Variants in GARNL3 observed in about 807,000 individuals in gnomAD.
The protein encoded by GARNL3 is GTPase activating Rap/RanGAP domain like 3.
GARNL3 carries 63 observed loss-of-function variants against 125.0 expected under a neutral mutation model. The ratio of observed to expected loss-of-function variants is 0.50; its 90% CI spans 0.41 to 0.62. The LOEUF is 0.62. Among genes scored for constraint, GARNL3 ranks in the 20% least tolerant of loss-of-function variants. The pLI, the probability that GARNL3 is intolerant of heterozygous loss-of-function variation, is 0.00. For synonymous variants in GARNL3, 439 were observed against 457.5 expected, an observed-to-expected ratio of 0.96 and a Z score of 0.52; for missense variants, 994 against 1,244.0, an observed-to-expected ratio of 0.80 and a Z score of 3.02.
chr9:127,310,924 T>A (rs922826331), intron 2 of GARNL3, among the ~76,000 whole-genome samples: 1 of 152,164 alleles, frequency 6.6e-6, no homozygotes. Flanking sequence ...GTGTTGCAGA[T>A]CCTCGACAAC....
Position 127,347,283 on chromosome 9 carries a change from A to G in GARNL3, c.1432-1641A>G, listed in dbSNP as rs546178264. On this transcript the variant is annotated intron_variant, in intron 16 of 27. Transcript: ENST00000373387. ...AAAAAATTAAAAAAATTAGCCGGGC[A>G]TGGTGGCTCATGCCTATGGTCCCAA... Among the ~76,000 whole-genome samples, 7 of 152,160 alleles carry G rather than the reference A, an allele frequency of 4.6e-5. No homozygotes were observed. In the East Asian group the frequency reaches 7.7e-4, roughly 17 times the overall value.
chr9:127,386,602 A>C (rs1471638123), intron 24 of GARNL3, among the ~76,000 whole-genome samples: 1 of 152,266 alleles, frequency 6.6e-6, no homozygotes, highest in African/African-American at 2.4e-5. Flanking sequence ...ATAATTAGGA[A>C]TGGCTGGATT....
chr9:127,375,325 G>T (rs1588960043), intron 22 of GARNL3, among the ~76,000 whole-genome samples: 2 of 152,150 alleles, frequency 1.3e-5, no homozygotes, highest in East Asian at 1.9e-4. Flanking sequence ...AATTAGCCAG[G>T]CGCGGTGGCA....
chr9:127,327,831 A>T (rs1020197907), intron 7 of GARNL3, among the ~76,000 whole-genome samples: 1 of 152,228 alleles, frequency 6.6e-6, no homozygotes, highest in African/African-American at 2.4e-5. Context: ...AAAGAAATAC[A>T]CAAAAGATAA....
rs530593092 is a variant in GARNL3 at position 127,239,411 on chromosome 9, G to A, written c.-28-3668G>A. Among the ~76,000 whole-genome samples, 7 of 152,252 alleles carry A rather than the reference G, an allele frequency of 4.6e-5. No individual in the cohort carries two copies. In the South Asian group the frequency reaches 6.2e-4, roughly 14 times the overall value. ...AAGCCTGGCCAGGCCTTCAGGACAC[G>A]CCAGGTCATTTCCCTCACATTACGG... On this transcript the variant is annotated intron_variant, in intron 1 of 10. Coordinates refer to the GARNL3 transcript ENST00000439286.
chr9:127,272,048 C>T (rs982724295), intron 1 of GARNL3, among the ~76,000 whole-genome samples: 3 of 150,282 alleles, frequency 2.0e-5, no homozygotes, highest in South Asian at 2.1e-4. Context: ...ATCAAAAGAA[C>T]GGTTGATGAT....
intron 2 of GARNL3, among the ~76,000 whole-genome samples, chr9:127,298,266 C>CTT (rs2064668668): frequency 6.6e-6 from 1 of 152,134 alleles, no homozygotes; most frequent in African/African-American, 2.4e-5. Context: ...GCAACCTCTG[C>CTT]CTTCTGGGTT....
rs770179412 is a variant in GARNL3 at position 127,342,278 on chromosome 9, A to G, written c.1195A>G (p.Thr399Ala). The G allele has an allele frequency of 6.8e-6, 11 of 1,614,076 alleles. No individual in the cohort carries two copies. The highest frequency in any genetic ancestry group is 9.3e-6 in the Non-Finnish European group (11 of 1,179,946). Residue 399 changes from threonine (T) to alanine (A), a missense_variant, in exon 14 of 28, where the codon ACC becomes GCC. Around this residue, in one of 5 missense-constraint regions of GARNL3, gnomAD observed 728 missense variants for 865.7 expected, o/e 0.84. Coordinates refer to ENST00000373387, the MANE Select transcript of GARNL3 (RefSeq NM_032293.5). ...AACATTTGCCCAGAAACGTCGGCGT[A>G]CCCTGGATATGTTGATTAGATCTTT... is the stretch of plus-strand genomic sequence containing the variant. ...TPTFAQKRRR[T>A]LDMLIRSLHQ...
intron 2 of GARNL3, among the ~76,000 whole-genome samples, chr9:127,296,151 T>C (rs1426542486): frequency 6.6e-6 from 1 of 152,126 alleles, no homozygotes; most frequent in Non-Finnish European, 1.5e-5. Context: ...GCTCAGGTGG[T>C]AATATAAGTG....
intron 1 of GARNL3, among the ~76,000 whole-genome samples, chr9:127,231,221 A>ATTTTTTT (rs754935724): frequency 1.5e-5 from 1 of 66,078 alleles, no homozygotes; most frequent in African/African-American, 5.5e-5. Flanking sequence ...CGCCCAGCTA[A>ATTTTTTT]TTTTTTGTTT....
chr9:127,317,793 C>G, intron 4 of GARNL3, among the ~76,000 whole-genome samples: 1 of 152,166 alleles, frequency 6.6e-6, no homozygotes, highest in East Asian at 1.9e-4. Flanking sequence ...TCAGATGGCT[C>G]AAGTGCTCTC....
intron 7 of GARNL3, among the ~76,000 whole-genome samples, chr9:127,328,985 C>A (rs967945656): frequency 3.3e-5 from 5 of 152,208 alleles, no homozygotes; most frequent in Non-Finnish European, 5.9e-5. Flanking sequence ...CCTCCAGGGA[C>A]CCAGGTCTGG....
intron 22 of GARNL3, among the ~76,000 whole-genome samples, chr9:127,382,822 T>A (rs1832338430): frequency 6.6e-6 from 1 of 152,136 alleles, no homozygotes; most frequent in East Asian, 1.9e-4. Flanking sequence ...GATACAAGCG[T>A]ATGGCTTCAA....
chr9:127,244,194 G>A (rs2063254189), intron 2 of GARNL3, among the ~76,000 whole-genome samples: 1 of 152,194 alleles, frequency 6.6e-6, no homozygotes, highest in Non-Finnish European at 1.5e-5. Flanking sequence ...TATCCAGGGA[G>A]ACAGACAAGT....
chr9:127,311,529 A>C (rs1424946888), intron 2 of GARNL3, 107 bp from the exon 3 acceptor site: 2 of 764,604 alleles, frequency 2.6e-6, no homozygotes, highest in Non-Finnish European at 4.6e-6. Context: ...CCTTGGGTGT[A>C]TGCTTTTAAC....
At chr9:127,286,925 C>CT (rs1428814615) in intron 1 of GARNL3, among the ~76,000 whole-genome samples, 3 of 152,280 alleles carry the variant, frequency 2.0e-5, no homozygotes, top group East Asian at 1.9e-4. Context: ...GCCAGGAACT[C>CT]TAAGTGGGTG....
In GARNL3 at chr9:127,365,239, A is replaced by G. The variant is rs368738134; in HGVS notation, c.2095-61A>G. 122 of 1,426,050 alleles carry G rather than the reference A, an allele frequency of 8.6e-5. 1 individual carries two copies. In the South Asian group the frequency reaches 1.1e-3, roughly 13 times the overall value. 88.3% of individuals were successfully genotyped at this position (1,426,050 alleles called of 1,614,324 possible). A position where few individuals can be genotyped will look rare whatever the true frequency, so the allele number is the denominator to read the frequency against. On this transcript the variant is annotated intron_variant, in intron 21 of 27. Transcript: ENST00000373387. The stretch of plus-strand genomic sequence containing the variant: ...CCTCCACAAATGCTCACAACTTGTA[A>G]AAGTCTTTTCACAGGGTCAGCATCC...
intron 23 of GARNL3, 112 bp downstream of exon 23, chr9:127,383,657 A>C (rs1265044977): frequency 3.1e-6 from 2 of 642,028 alleles, no homozygotes; most frequent in African/African-American, 3.7e-5. Flanking sequence ...GCTATAAATT[A>C]TACGCGTATG....
At chr9:127,390,879 A>C in intron 27 of GARNL3, 112 bp downstream of exon 27, 1 of 1,103,246 alleles carries the variant, frequency 9.1e-7, no homozygotes, top group Non-Finnish European at 1.3e-6. Context: ...TGGCAGCTAC[A>C]GCAGAGGGCC....
Sources: allele counts gnomAD v4.1 joint callset (sites outside exome capture counted in the v4.1 genomes callset), GRCh38; gene constraint gnomAD v4.1.1; regional missense constraint gnomAD v4.1.1; transcripts MANE v1.5; gene names NCBI Gene and HGNC (gene_info 2026-07-23, HGNC 2026-07-21).